ALK: variants seen among roughly 807,000 people sequenced by gnomAD.
ALK encodes ALK tyrosine kinase receptor.
Under a neutral mutation model 163.1 loss-of-function variants are expected in ALK, and 74 were observed. The ratio of observed to expected loss-of-function variants is 0.45; its 90% CI spans 0.38 to 0.55. ALK has a LOEUF of 0.55. Ranked by LOEUF, ALK falls within the 20% of genes least tolerant of loss-of-function variation. ALK has a pLI of 0.00. For missense variants in ALK, 2,063 were observed against 2,105.3 expected (o/e 0.98, Z 0.39); for synonymous variants, 960 against 843.2 (o/e 1.14, Z -2.40).
In ALK at chr2:29,193,510, T is replaced by C. The variant is rs1306094937; in HGVS notation, c.4577A>G (p.Glu1526Gly). The change falls in exon 29 of 29, where the codon GAG becomes GGG. Residue 1526 changes from glutamate to glycine, a missense_variant. Glu to Gly is a moderately conservative substitution (Grantham distance 98, BLOSUM62 -2). Coordinates refer to ENST00000389048, the MANE Select transcript of ALK (RefSeq NM_004304.5). ...CCCCAGGTTACCCCTGTCGTGTGGC[T>C]CCTTCTTTGCTATAGGATTATTCTT... ...TKKNNPIAKK[E>G]PHDRGNLGLE... is the part of the protein sequence containing the mutation. 1.2e-6 allele frequency: 2 copies of C among 1,614,064 alleles called. No individual in the cohort carries two copies. Among genetic ancestry groups the C allele is most frequent in the Non-Finnish European group, 1.7e-6 (2 of 1,180,018 alleles).
intron 3 of ALK, among the ~76,000 whole-genome samples, chr2:29,575,627 T>C (rs2148193782): frequency 6.6e-6 from 1 of 152,360 alleles, no homozygotes; most frequent in African/African-American, 2.4e-5. Flanking sequence ...ATTCAATTTG[T>C]GTTGGCAGCT....
At chr2:29,555,651 C>A (rs1225748992) in intron 3 of ALK, among the ~76,000 whole-genome samples, 3 of 152,146 alleles carry the variant, frequency 2.0e-5, no homozygotes, top group Non-Finnish European at 4.4e-5. Flanking sequence ...AAAAGCCCAA[C>A]TGAAGAAGCA....
At chr2:29,400,765 G>C (rs58278321) in intron 4 of ALK, among the ~76,000 whole-genome samples, 1 of 152,064 alleles carries the variant, frequency 6.6e-6, no homozygotes, top group African/African-American at 2.4e-5. Flanking sequence ...ATCTGAGGTT[G>C]GGAGTTCGAG....
intron 3 of ALK, among the ~76,000 whole-genome samples, chr2:29,582,425 C>T (rs1674731993): frequency 6.6e-6 from 1 of 152,174 alleles, no homozygotes; most frequent in Non-Finnish European, 1.5e-5. Context: ...TAGGACCAGT[C>T]TGATAATTGA....
At chr2:29,262,088 T>C (rs1171364490) in intron 11 of ALK, among the ~76,000 whole-genome samples, 1 of 152,222 alleles carries the variant, frequency 6.6e-6, no homozygotes, top group African/African-American at 2.4e-5. Context: ...CCAGTAAGCC[T>C]AGCTCCTTAC....
intron 1 of ALK, among the ~76,000 whole-genome samples, chr2:29,852,832 TTCTC>T (rs56348355): frequency 0.25 from 37,516 of 148,452 alleles, 5,098 homozygotes; most frequent in East Asian, 0.43. Context: ...GACCAGAGCT[TTCTC>T]TCTCTCTCTC....
intron 4 of ALK, among the ~76,000 whole-genome samples, chr2:29,456,815 A>C (rs1670967146): frequency 6.6e-6 from 1 of 152,208 alleles, no homozygotes; most frequent in South Asian, 2.1e-4. Context: ...AATATCTAGA[A>C]TAATGCTCCA....
chr2:29,359,217 G>C (rs1668330567), intron 5 of ALK, among the ~76,000 whole-genome samples: 1 of 152,190 alleles, frequency 6.6e-6, no homozygotes, highest in African/African-American at 2.4e-5. Context: ...ACACAAACCA[G>C]CTGGGACTAG....
At chr2:29,763,086 C>CAAAAAA (rs1034835014) in intron 1 of ALK, among the ~76,000 whole-genome samples, 1 of 53,108 alleles carries the variant, frequency 1.9e-5, no homozygotes, top group African/African-American at 6.5e-5. Flanking sequence ...GACTCCATCT[C>CAAAAAA]AAAAAAAAAA....
intron 16 of ALK, 91 bp downstream of exon 16, chr2:29,228,793 C>CAGGGGAGGGA: frequency 1.2e-6 from 1 of 855,024 alleles, no homozygotes; most frequent in Non-Finnish European, 2.0e-6. Flanking sequence ...TTGGGCAGGC[C>CAGGGGAGGGA]AGGGGAGGGC....
chr2:29,385,803 G>C (rs1451888157), intron 4 of ALK, among the ~76,000 whole-genome samples: 1 of 152,180 alleles, frequency 6.6e-6, no homozygotes, highest in Admixed American at 6.6e-5. Context: ...ATAGATTACA[G>C]TATCATTTTA....
At chr2:29,211,575 G>A (rs1490083961) in intron 24 of ALK, among the ~76,000 whole-genome samples, 1 of 152,184 alleles carries the variant, frequency 6.6e-6, no homozygotes, top group African/African-American at 2.4e-5. Context: ...TGTGGATCTG[G>A]TGAGGAAGTT....
chr2:29,332,393 C>T (rs894728585), intron 5 of ALK, among the ~76,000 whole-genome samples: 1 of 149,584 alleles, frequency 6.7e-6, no homozygotes, highest in Non-Finnish European at 1.5e-5. Flanking sequence ...ACCTTATGTC[C>T]CAATGGGCAT....
chr2:29,786,841 G>C (rs1169539401), intron 1 of ALK, among the ~76,000 whole-genome samples: 1 of 151,966 alleles, frequency 6.6e-6, no homozygotes, highest in Non-Finnish European at 1.5e-5. Flanking sequence ...GCCCAGGCTG[G>C]AGTGCAACAG....
At chr2:29,805,990 A>C (rs768997173) in intron 1 of ALK, among the ~76,000 whole-genome samples, 2 of 152,176 alleles carry the variant, frequency 1.3e-5, no homozygotes. Flanking sequence ...AGCCATGTAC[A>C]TGTGAGTGAG....
chr2:29,753,060 A>G (rs1002687394), intron 1 of ALK, among the ~76,000 whole-genome samples: 5 of 152,088 alleles, frequency 3.3e-5, no homozygotes, highest in African/African-American at 1.2e-4. Context: ...CAAACTCAGA[A>G]AAGGCCTTTG....
chr2:29,335,137 A>C (rs934013917), intron 5 of ALK, among the ~76,000 whole-genome samples: 1 of 152,190 alleles, frequency 6.6e-6, no homozygotes, highest in Non-Finnish European at 1.5e-5. Flanking sequence ...CCTTCTGCCC[A>C]TGTGGTTCCT....
In ALK at chr2:29,531,971, C is replaced by T. The variant is rs202162280; in HGVS notation, c.1098G>A (p.Leu366=). The T allele has an allele frequency of 1.2e-6, 2 of 1,614,166 alleles. No individual in the cohort carries two copies. Among genetic ancestry groups the T allele is most frequent in the African/African-American group, 2.7e-5 (2 of 75,056 alleles). The change falls in exon 4 of 29, where the codon CTG becomes CTA. Residue 366 remains leucine, a synonymous_variant. Transcript: ENST00000389048. ...TCTCTCTTGCAGCCTCGTTGTGGGG[C>T]AGCAGCTGGGCAATGTACCTTCCAG... is the stretch of plus-strand genomic sequence containing the variant. ...QPSGRYIAQL[L]PHNEAAREIL...
chr2:29,263,702 G>A (rs1330779685), intron 11 of ALK, among the ~76,000 whole-genome samples: 2 of 152,136 alleles, frequency 1.3e-5, no homozygotes. Context: ...CTGCAATGCA[G>A]TCATGGTGGC....
Sources: gnomAD v4.1 joint callset for allele counts (sites outside exome capture counted in the v4.1 genomes callset) on GRCh38, gnomAD v4.1.1 for gene constraint, MANE v1.5 for transcripts, NCBI Gene and HGNC (gene_info 2026-07-23, HGNC 2026-07-21) for gene names.